TBC1D32: variants seen among roughly 807,000 people sequenced by gnomAD.
TBC1D32 encodes the protein protein broad-minded.
Under a neutral mutation model 170.3 loss-of-function variants are expected in TBC1D32, and 151 were observed. The observed-to-expected ratio is 0.89, with a 90% CI of 0.78 to 1.01. TBC1D32 has a LOEUF of 1.01. Ranked by LOEUF, TBC1D32 falls within the 50% of genes least tolerant of loss-of-function variation. The probability of loss-of-function intolerance (pLI) is 0.00; values close to 1 mark genes in which losing one functional copy is unlikely to be tolerated. For missense variants in TBC1D32, 1,464 were observed against 1,457.1 expected, an observed-to-expected ratio of 1.00 and a Z score of -0.08; for synonymous variants, 498 against 488.0, an observed-to-expected ratio of 1.02 and a Z score of -0.27.
At chr6:121,145,333 A>T (rs561101150) in intron 24 of TBC1D32, among the ~76,000 whole-genome samples, 1 of 152,308 alleles carries the variant, frequency 6.6e-6, no homozygotes, top group South Asian at 2.1e-4. Context: ...ATGAACCTTG[A>T]GGACACTGTG....
chr6:121,256,264 A>C lies in TBC1D32; in HGVS notation c.1755T>G (p.Ile585Met), dbSNP rs750598563. The C allele has an allele frequency of 5.6e-6, 9 of 1,613,212 alleles. No individual in the cohort carries two copies. Among genetic ancestry groups the C allele is most frequent in the Non-Finnish European group, 7.6e-6 (9 of 1,179,620 alleles). The change falls in exon 16 of 32, where the codon ATT becomes ATG. Residue 585 changes from isoleucine to methionine, a missense_variant. This residue lies in a region of TBC1D32 where 1,363 missense variants were observed against 1,338.1 expected (regional missense o/e 1.02). Coordinates refer to ENST00000398212, the MANE Select transcript of TBC1D32 (RefSeq NM_152730.6). The part of the protein sequence containing the change: ...SEESPTGAHI[I>M]AQFSKKLLDE... ...CGAGAAGTTTTTTCGAAAACTGGGC[A>C]ATTATATGAGCACCTGTAGGACTAA... is the stretch of plus-strand genomic sequence containing the variant.
At chr6:121,235,838 T>C (rs1410351670) in intron 20 of TBC1D32, among the ~76,000 whole-genome samples, 3 of 152,226 alleles carry the variant, frequency 2.0e-5, no homozygotes, top group East Asian at 1.9e-4. Flanking sequence ...CTCCACACAA[T>C]GTTCTGTCTG....
intron 20 of TBC1D32, among the ~76,000 whole-genome samples, chr6:121,237,360 G>T (rs1268060285): frequency 6.6e-6 from 1 of 151,810 alleles, no homozygotes; most frequent in Non-Finnish European, 1.5e-5. Context: ...GAGCCTTAGT[G>T]TAGTTTCCTT....
At chr6:121,113,821 T>A (rs1274033614) in intron 27 of TBC1D32, among the ~76,000 whole-genome samples, 1 of 152,206 alleles carries the variant, frequency 6.6e-6, no homozygotes, top group East Asian at 1.9e-4. Flanking sequence ...GCTTTTGTAA[T>A]TTTTCTTTTG....
intron 3 of TBC1D32, among the ~76,000 whole-genome samples, chr6:121,314,120 T>A (rs1206054707): frequency 6.6e-6 from 1 of 152,202 alleles, no homozygotes; most frequent in East Asian, 1.9e-4. Context: ...AGACAGAATC[T>A]GTTTCTTTGC....
intron 29 of TBC1D32, among the ~76,000 whole-genome samples, chr6:121,107,682 T>C (rs2128192815): frequency 6.6e-6 from 1 of 152,076 alleles, no homozygotes; most frequent in East Asian, 1.9e-4. Flanking sequence ...AATAGGCATA[T>C]ATGAAAACAA....
At chr6:121,250,604 T>C (rs1429485240) in intron 17 of TBC1D32, among the ~76,000 whole-genome samples, 1 of 152,152 alleles carries the variant, frequency 6.6e-6, no homozygotes, top group African/African-American at 2.4e-5. Context: ...ATAAGAGCTA[T>C]GTATGATAAA....
In TBC1D32 at chr6:121,273,150, C is replaced by A. The variant is rs1801713890; in HGVS notation, c.1733+5971G>T. 2.0e-5 allele frequency among the ~76,000 whole-genome samples: 3 copies of A among 151,094 alleles called. No individual in the cohort carries two copies. In the Admixed American group the frequency reaches 2.0e-4, roughly 10 times the overall value. The stretch of plus-strand genomic sequence containing the variant: ...GGGAGGGATAGTTTTAGGAGATATA[C>A]CTAATGTAAATGACAAGTTAATGGG... On this transcript the variant is annotated intron_variant, in intron 15 of 31. Transcript: ENST00000398212.
chr6:121,333,044 G>A (rs540390532), intron 1 of TBC1D32, among the ~76,000 whole-genome samples: 6 of 152,154 alleles, frequency 3.9e-5, no homozygotes, highest in African/African-American at 1.2e-4. Context: ...ACACAAACTT[G>A]TACATAGAAT....
In TBC1D32 at chr6:121,185,509, T is replaced by C. The variant is rs75978955; in HGVS notation, c.2570+19566A>G. ...TAGGAAATATCTGTGAGTTGAACAA[T>C]ATGGATTCCCTTATCAGAGATGATC... On this transcript the variant is annotated intron_variant, in intron 22 of 31. Transcript: ENST00000398212. 8.9e-3 allele frequency among the ~76,000 whole-genome samples: 1,360 copies of C among 152,198 alleles called. 23 individuals are homozygous for C. The highest frequency in any genetic ancestry group is 0.031 in the African/African-American group (1,277 of 41,542).
intron 17 of TBC1D32, among the ~76,000 whole-genome samples, chr6:121,247,609 G>C (rs754371064): frequency 6.9e-6 from 1 of 145,668 alleles, no homozygotes; most frequent in African/African-American, 2.7e-5. Context: ...TTGAGGTAAA[G>C]GGGTGAAAAA....
chr6:121,205,184 G>T, intron 21 of TBC1D32, 21 bp from the exon 22 acceptor site: 1 of 1,207,878 alleles, frequency 8.3e-7, no homozygotes, highest in South Asian at 1.5e-5. Context: ...CAGACAAAAT[G>T]AGACTGTATT....
At chr6:121,104,979 T>C (rs1337049012) in intron 30 of TBC1D32, among the ~76,000 whole-genome samples, 1 of 151,850 alleles carries the variant, frequency 6.6e-6, no homozygotes, top group Non-Finnish European at 1.5e-5. Context: ...AAGTAGAAAG[T>C]AAATGATAGG....
At chr6:121,236,251 C>A (rs1161088155) in intron 20 of TBC1D32, among the ~76,000 whole-genome samples, 2 of 151,676 alleles carry the variant, frequency 1.3e-5, no homozygotes, top group Non-Finnish European at 2.9e-5. Context: ...TATTATATAA[C>A]CTGAATTTTA....
At chr6:121,107,318 T>C (rs1778789266) in intron 29 of TBC1D32, among the ~76,000 whole-genome samples, 2 of 152,062 alleles carry the variant, frequency 1.3e-5, no homozygotes, top group East Asian at 3.9e-4. Context: ...TGATTTACAG[T>C]GGTTTTTCGG....
intron 31 of TBC1D32, among the ~76,000 whole-genome samples, chr6:121,084,288 A>C (rs1775957066): frequency 6.6e-6 from 1 of 152,170 alleles, no homozygotes; most frequent in African/African-American, 2.4e-5. Flanking sequence ...GTTGTTCCAC[A>C]ATAAATAGGT....
intron 12 of TBC1D32, among the ~76,000 whole-genome samples, chr6:121,285,213 A>G (rs1046158064): frequency 6.6e-6 from 1 of 152,164 alleles, no homozygotes; most frequent in African/African-American, 2.4e-5. Context: ...GACTCAGAGG[A>G]TTCAACATGT....
intron 22 of TBC1D32, among the ~76,000 whole-genome samples, chr6:121,190,933 A>G (rs1417086979): frequency 2.0e-5 from 3 of 150,624 alleles, no homozygotes; most frequent in African/African-American, 7.5e-5. Flanking sequence ...AATTTAATAT[A>G]TACAGGGAAG....
At chr6:121,255,230 G>C in intron 17 of TBC1D32, 98 bp downstream of exon 17, 1 of 655,984 alleles carries the variant, frequency 1.5e-6, no homozygotes, top group East Asian at 4.4e-5. Flanking sequence ...TTACCATCCT[G>C]TAAAACATTT....
Sources: gnomAD v4.1 joint callset for allele counts (sites outside exome capture counted in the v4.1 genomes callset) on GRCh38, gnomAD v4.1.1 for gene constraint, gnomAD v4.1.1 regional missense constraint, MANE v1.5 for transcripts, NCBI Gene and HGNC (gene_info 2026-07-23, HGNC 2026-07-21) for gene names.